PTPRG: variants seen among roughly 807,000 people sequenced by gnomAD.
PTPRG encodes the protein protein tyrosine phosphatase receptor type G.
Under a neutral mutation model 165.3 loss-of-function variants are expected in PTPRG, and 102 were observed. That is an observed-to-expected ratio of 0.62 (90% CI 0.53 to 0.73). The LOEUF is 0.73. Among genes scored for constraint, PTPRG ranks in the 30% least tolerant of loss-of-function variants. The pLI, the probability that PTPRG is intolerant of heterozygous loss-of-function variation, is 0.00. For synonymous variants in PTPRG, 675 were observed against 669.5 expected, an observed-to-expected ratio of 1.01 and a Z score of -0.13; for missense variants, 1,866 against 1,861.4, an observed-to-expected ratio of 1.00 and a Z score of -0.05.
chr3:61,568,156 A>T (rs945252561), intron 1 of PTPRG, among the ~76,000 whole-genome samples: 1 of 152,180 alleles, frequency 6.6e-6, no homozygotes, highest in Admixed American at 6.5e-5. Context: ...TGGAGTTGTA[A>T]CCAACAAAAT....
At chr3:61,835,810 G>A (rs943609412) in intron 2 of PTPRG, among the ~76,000 whole-genome samples, 2 of 151,780 alleles carry the variant, frequency 1.3e-5, no homozygotes, top group Admixed American at 1.3e-4. Context: ...AGGCCGAGGT[G>A]GGTGGATCAC....
intron 2 of PTPRG, among the ~76,000 whole-genome samples, chr3:61,897,162 T>C (rs576846014): frequency 1.3e-5 from 2 of 152,274 alleles, no homozygotes; most frequent in Admixed American, 1.3e-4. Context: ...ACTAAGAATG[T>C]AGGGCTTAGC....
At chr3:61,785,633 A>C (rs73839141) in intron 2 of PTPRG, among the ~76,000 whole-genome samples, 3 of 152,340 alleles carry the variant, frequency 2.0e-5, no homozygotes, top group African/African-American at 7.2e-5. Context: ...GATGTTGTTC[A>C]GGAGAAAATA....
intron 2 of PTPRG, among the ~76,000 whole-genome samples, chr3:61,874,836 A>G (rs2037688931): frequency 6.6e-6 from 1 of 152,222 alleles, no homozygotes; most frequent in African/African-American, 2.4e-5. Flanking sequence ...ATGTAAGTCC[A>G]TACCCGTAAC....
intron 5 of PTPRG, among the ~76,000 whole-genome samples, chr3:62,123,336 C>G (rs1172938753): frequency 3.3e-5 from 5 of 152,178 alleles, no homozygotes; most frequent in African/African-American, 1.2e-4. Context: ...GCCACTAACT[C>G]CCAGGCTCCA....
chr3:61,679,811 C>T (rs1306518464), intron 1 of PTPRG, among the ~76,000 whole-genome samples: 1 of 152,058 alleles, frequency 6.6e-6, no homozygotes, highest in South Asian at 2.1e-4. Flanking sequence ...AGCAAAAAAA[C>T]CCCACAATCC....
chr3:62,128,237 C>G (rs2106914540), intron 5 of PTPRG, among the ~76,000 whole-genome samples: 1 of 152,288 alleles, frequency 6.6e-6, no homozygotes, highest in African/African-American at 2.4e-5. Context: ...AAGGGGGTGT[C>G]TGTTTCTTCT....
chr3:61,767,748 C>T (rs751015080), intron 2 of PTPRG, among the ~76,000 whole-genome samples: 17 of 151,852 alleles, frequency 1.1e-4, no homozygotes, highest in Admixed American at 1.3e-4. Flanking sequence ...GTGGGAGGAT[C>T]GCTTGAGCCC....
Position 61,562,355 on chromosome 3 carries a change from A to T in PTPRG, c.68A>T (p.Tyr23Phe). 6.2e-7 allele frequency: 1 copy of T among 1,613,356 alleles called. No homozygotes were observed. Among genetic ancestry groups the T allele is most frequent in the South Asian group, 1.1e-5 (1 of 91,064 alleles). Residue 23 changes from tyrosine (Y) to phenylalanine (F), a missense_variant, in exon 1 of 30, where the codon TAT (tyrosine) becomes TTT (phenylalanine). Around this residue, in one of 3 missense-constraint regions of PTPRG, gnomAD observed 408 missense variants for 376.2 expected, o/e 1.08. Coordinates refer to ENST00000474889, the MANE Select transcript of PTPRG (RefSeq NM_002841.4). ...AAAATCACCAGTTCCGTGCTCCATT[A>T]TGTCGTGTGCTTCCCCGGTGAGTGC... ...FLKITSSVLH[Y>F]VVCFPALTEG...
At chr3:62,043,691 A>G (rs1458366105) in intron 4 of PTPRG, among the ~76,000 whole-genome samples, 1 of 152,164 alleles carries the variant, frequency 6.6e-6, no homozygotes, top group African/African-American at 2.4e-5. Flanking sequence ...TCGTGAATTT[A>G]AGGTTTGTTT....
At chr3:61,899,759 C>T (rs2038452126) in intron 2 of PTPRG, among the ~76,000 whole-genome samples, 3 of 152,066 alleles carry the variant, frequency 2.0e-5, no homozygotes, top group African/African-American at 7.2e-5. Context: ...AACAGAGATC[C>T]TAGGAAATTC....
At chr3:61,751,042 G>A (rs2033406595) in intron 2 of PTPRG, 1 of 152,160 alleles carries the variant, frequency 6.6e-6, no homozygotes, top group South Asian at 2.1e-4. Context: ...AGTAAAAGAA[G>A]AATAGAATGG....
intron 1 of PTPRG, among the ~76,000 whole-genome samples, chr3:61,715,241 G>C (rs1182980706): frequency 6.6e-6 from 1 of 151,262 alleles, no homozygotes; most frequent in Non-Finnish European, 1.5e-5. Flanking sequence ...TTTGAGTCAG[G>C]GTTGTCCTGT....
intron 4 of PTPRG, among the ~76,000 whole-genome samples, chr3:62,040,166 TAAG>T (rs1386160567): frequency 6.6e-6 from 1 of 152,148 alleles, no homozygotes; most frequent in African/African-American, 2.4e-5. Context: ...CTAATGAACA[TAAG>T]AAGAAAGCAT....
At chr3:61,675,059 T>C (rs1670092047) in intron 1 of PTPRG, among the ~76,000 whole-genome samples, 1 of 152,256 alleles carries the variant, frequency 6.6e-6, no homozygotes, top group African/African-American at 2.4e-5. Context: ...CTACCACAGA[T>C]GTCTGTCACT....
chr3:61,727,448 G>A (rs1027389590), intron 1 of PTPRG, among the ~76,000 whole-genome samples: 3 of 152,038 alleles, frequency 2.0e-5, no homozygotes, highest in Admixed American at 6.5e-5. Flanking sequence ...CACGGTGCCC[G>A]GCCCATATCA....
At chr3:61,941,395 C>CGG (rs553529963) in intron 2 of PTPRG, among the ~76,000 whole-genome samples, 8 of 152,112 alleles carry the variant, frequency 5.3e-5, no homozygotes, top group Non-Finnish European at 1.2e-4. Flanking sequence ...GAGGCTGAGG[C>CGG]GGGCAGATCA....
At chr3:61,693,912 G>A (rs1224647392) in intron 1 of PTPRG, among the ~76,000 whole-genome samples, 1 of 151,560 alleles carries the variant, frequency 6.6e-6, no homozygotes, top group Non-Finnish European at 1.5e-5. Context: ...GGAGGCTGAG[G>A]CAGGAGAATC....
intron 1 of PTPRG, among the ~76,000 whole-genome samples, chr3:61,614,710 C>T (rs1456304350): frequency 1.3e-5 from 2 of 152,086 alleles, no homozygotes; most frequent in Admixed American, 1.3e-4. Flanking sequence ...CTGTGCCCAG[C>T]CTACTTTAAT....
Sources: allele counts gnomAD v4.1 joint callset (sites outside exome capture counted in the v4.1 genomes callset), GRCh38; gene constraint gnomAD v4.1.1; regional missense constraint gnomAD v4.1.1; transcripts MANE v1.5; gene names NCBI Gene and HGNC (gene_info 2026-07-23, HGNC 2026-07-21).